The following DYNC2H1 variants were observed in gnomAD, a reference collection of about 807,000 sequenced individuals.
DYNC2H1 encodes dynein cytoplasmic 2 heavy chain 1, also known as cytoplasmic dynein 2 heavy chain 1.
Under a neutral mutation model 570.0 loss-of-function variants are expected in DYNC2H1, and 410 were observed. The observed-to-expected ratio is 0.72, with a 90% CI of 0.66 to 0.78. The LOEUF is 0.78. Ranked by LOEUF, DYNC2H1 falls within the 30% of genes least tolerant of loss-of-function variation. DYNC2H1 has a pLI of 0.00. For missense variants in DYNC2H1, 4,865 were observed against 5,046.4 expected (o/e 0.96, Z 1.09); for synonymous variants, 1,688 against 1,677.6 (o/e 1.01, Z -0.15).
intron 52 of DYNC2H1, among the ~76,000 whole-genome samples, chr11:103,208,552 G>A (rs1863026777): frequency 6.6e-6 from 1 of 152,092 alleles, no homozygotes; most frequent in African/African-American, 2.4e-5. Flanking sequence ...CAGGGTATGT[G>A]GAACATTGTA....
chr11:103,166,629 A>ATT (rs1861314777), intron 31 of DYNC2H1, among the ~76,000 whole-genome samples: 1 of 152,110 alleles, frequency 6.6e-6, no homozygotes, highest in Non-Finnish European at 1.5e-5. Context: ...TTCTTTTAGC[A>ATT]TTTAAAGTGT....
chr11:103,357,814 G>A (rs1940420637), intron 82 of DYNC2H1, among the ~76,000 whole-genome samples: 3 of 152,132 alleles, frequency 2.0e-5, no homozygotes, highest in African/African-American at 7.2e-5. Flanking sequence ...GCTGGGCATG[G>A]TGGGACACAC....
intron 87 of DYNC2H1, among the ~76,000 whole-genome samples, chr11:103,459,109 A>G (rs1433007144): frequency 6.6e-6 from 1 of 151,140 alleles, no homozygotes; most frequent in Non-Finnish European, 1.5e-5. Context: ...GGAGATCGAG[A>G]CCATCCCGGC....
Position 103,115,228 on chromosome 11 carries a change from G to C in DYNC2H1, c.554G>C (p.Arg185Pro), listed in dbSNP as rs199960819. Residue 185 changes from arginine (R) to proline (P), a missense_variant, in exon 4 of 89, where the codon CGT becomes CCT. Around this residue, in one of 5 missense-constraint regions of DYNC2H1, gnomAD observed 1,936 missense variants for 1,962.1 expected, o/e 0.99. Coordinates refer to ENST00000375735, the MANE Select transcript of DYNC2H1 (RefSeq NM_001377.3). ...CAGTTTTGGATAGAACAAGCTCACC[G>C]TGGAAATAAACAGATTAGTAAAGAA... ...EFQFWIEQAH[R>P]GNKQISKERA... The C allele has an allele frequency of 7.5e-6, 12 of 1,610,248 alleles. No individual in the cohort carries two copies. The highest frequency in any genetic ancestry group is 1.0e-5 in the Non-Finnish European group (12 of 1,178,274).
Position 103,197,928 on chromosome 11 carries a change from C to T in DYNC2H1, c.7709-5C>T. ...ATAAAACAAAAATATCATTTATTTC[C>T]ACAGATAGTTTCTACGTTACATGGG... On this transcript the variant is annotated splice_region_variant and splice_polypyrimidine_tract_variant and intron_variant, in intron 47 of 88. Transcript: ENST00000375735. 6.4e-7 allele frequency: 1 copy of T among 1,565,028 alleles called. No homozygotes were observed.
chr11:103,329,667 G>A (rs1257215744), intron 82 of DYNC2H1, among the ~76,000 whole-genome samples: 1 of 150,480 alleles, frequency 6.6e-6, no homozygotes, highest in African/African-American at 2.4e-5. Flanking sequence ...AGTTATTCAA[G>A]GGTAGAGCAT....
At position 103,204,991 on chromosome 11, in the gene DYNC2H1, T is replaced by G; in HGVS notation, c.8454+27T>G. The G allele has an allele frequency of 6.5e-7, 1 of 1,533,760 alleles. No homozygotes were observed. Among genetic ancestry groups the G allele is most frequent in the South Asian group, 1.3e-5 (1 of 79,632 alleles). ...TAAGTTTAACAAATATTAAAAAATT[T>G]AAAAGCACATTTTATTTTTGAAGTT... On this transcript the variant is annotated intron_variant, in intron 52 of 88. Coordinates refer to ENST00000375735, the MANE Select transcript of DYNC2H1 (RefSeq NM_001377.3). The surrounding 1 kb of genome is among the most constrained non-coding windows in gnomAD (Gnocchi z 4.1).
intron 34 of DYNC2H1, 82 bp downstream of exon 34, chr11:103,171,150 T>A (rs991360685): frequency 1.7e-6 from 2 of 1,163,740 alleles, no homozygotes; most frequent in Admixed American, 6.6e-5. Context: ...TATTCTCTTT[T>A]TATTTCTCCT....
At chr11:103,138,637 A>G (rs1859709369) in intron 17 of DYNC2H1, among the ~76,000 whole-genome samples, 1 of 152,034 alleles carries the variant, frequency 6.6e-6, no homozygotes, top group Non-Finnish European at 1.5e-5. Flanking sequence ...GAGGATTTTT[A>G]CATCGATGTT....
chr11:103,360,472 A>C lies in DYNC2H1; in HGVS notation c.12156+2113A>C, dbSNP rs1591630133. ...ATTCATGAGGATTAAATGCATTAAT[A>C]TATGTAAAGCTTTTATAATAGTGTC... On this transcript the variant is annotated intron_variant, in intron 83 of 88. Transcript: ENST00000375735. 2.6e-5 allele frequency among the ~76,000 whole-genome samples: 4 copies of C among 152,266 alleles called. No homozygotes were observed. In the South Asian group the frequency reaches 8.3e-4, roughly 32 times the overall value.
intron 54 of DYNC2H1, among the ~76,000 whole-genome samples, chr11:103,212,737 T>G (rs1397740123): frequency 6.6e-6 from 1 of 152,122 alleles, no homozygotes; most frequent in East Asian, 1.9e-4. Context: ...GGCTCCATCT[T>G]AATTGACATA....
intron 83 of DYNC2H1, among the ~76,000 whole-genome samples, chr11:103,381,447 A>C (rs1024088957): frequency 6.6e-6 from 1 of 150,900 alleles, no homozygotes. Flanking sequence ...ATTTTATTTT[A>C]TTTTATTTAT....
chr11:103,282,160 C>A lies in DYNC2H1; in HGVS notation c.10762-19C>A. On this transcript the variant is annotated intron_variant, in intron 71 of 88. Coordinates refer to ENST00000375735, the MANE Select transcript of DYNC2H1 (RefSeq NM_001377.3). ...TTATCATTTTTATATTTTTGTGTTCCTATATTTTTATTCAATAGGAATGGG... is the reference window on the plus strand; with the variant it reads ...TTATCATTTTTATATTTTTGTGTTCATATATTTTTATTCAATAGGAATGGG... 6.3e-7 allele frequency: 1 copy of A among 1,598,010 alleles called. No individual in the cohort carries two copies. The highest frequency in any genetic ancestry group is 8.5e-7 in the Non-Finnish European group (1 of 1,172,776).
At chr11:103,200,256 G>A (rs1862665705) in intron 50 of DYNC2H1, 102 bp downstream of exon 50, 1 of 866,608 alleles carries the variant, frequency 1.2e-6, no homozygotes. Context: ...GAGAACTTTT[G>A]GCATAGTTCT....
chr11:103,281,716 C>CAAAAAAAAAAA (rs71066145), intron 71 of DYNC2H1, among the ~76,000 whole-genome samples: 1 of 129,112 alleles, frequency 7.7e-6, no homozygotes, highest in Non-Finnish European at 1.7e-5. Flanking sequence ...AATTCTATGG[C>CAAAAAAAAAAA]AAAAAAAAAA....
At chr11:103,368,355 G>A (rs534895917) in intron 83 of DYNC2H1, among the ~76,000 whole-genome samples, 6 of 152,070 alleles carry the variant, frequency 3.9e-5, no homozygotes, top group Admixed American at 3.3e-4. Flanking sequence ...GATTAATGAT[G>A]TACATTTTTT....
chr11:103,146,149 T>A (rs919296315), intron 18 of DYNC2H1, among the ~76,000 whole-genome samples: 4 of 152,180 alleles, frequency 2.6e-5, no homozygotes, highest in African/African-American at 9.7e-5. Context: ...AGCTAGTAGG[T>A]GATTGAGAAT....
rs1029539004 is a variant in DYNC2H1, at chr11:103,209,617, T to A, written c.8455-259T>A. Among the ~76,000 whole-genome samples, 4 of 152,068 alleles carry A rather than the reference T, an allele frequency of 2.6e-5. No individual in the cohort carries two copies. Among genetic ancestry groups the A allele is most frequent in the Admixed American group, 2.0e-4 (3 of 15,262 alleles). Reference sequence around the variant, plus strand: ...TTCTAATTCAATCCAAATTGTAATTTCCTTTACTTCATATAGTCTCACCAT... The same window carrying A: ...TTCTAATTCAATCCAAATTGTAATTACCTTTACTTCATATAGTCTCACCAT... On this transcript the variant is annotated intron_variant, in intron 52 of 88. Transcript: ENST00000375735. This position sits in a 1 kb window ranked among gnomAD's most constrained non-coding sequence, Gnocchi z 4.2.
At position 103,170,421 on chromosome 11, in the gene DYNC2H1, T is replaced by A; in HGVS notation, c.5151+131T>A. The A allele has an allele frequency of 3.0e-6, 3 of 998,228 alleles. No homozygotes were observed. The highest frequency in any genetic ancestry group is 4.2e-6 in the Non-Finnish European group (3 of 721,178). The allele number at this position is 998,228 out of a possible 1,614,324, so 61.8% of individuals were successfully genotyped here. A position where few individuals can be genotyped will look rare whatever the true frequency, so the allele number is the denominator to read the frequency against. On this transcript the variant is annotated intron_variant, in intron 33 of 88. Coordinates refer to ENST00000375735, the MANE Select transcript of DYNC2H1 (RefSeq NM_001377.3). The surrounding 1 kb of genome is among the most constrained non-coding windows in gnomAD (Gnocchi z 4.8). The stretch of plus-strand genomic sequence containing the variant: ...AGTTGAAGACAGAATTTGTTTAAAT[T>A]GAAATGTAAAATGGACAGAGGTTGT...
Sources: gnomAD v4.1 joint callset for allele counts (sites outside exome capture counted in the v4.1 genomes callset) on GRCh38, gnomAD v4.1.1 for gene constraint, gnomAD v4.1.1 regional missense constraint, Gnocchi (gnomAD v3.1) non-coding constraint, MANE v1.5 for transcripts, NCBI Gene and HGNC (gene_info 2026-07-23, HGNC 2026-07-21) for gene names.